Variants in PIN4 observed in about 807,000 individuals in gnomAD.
PIN4 encodes the protein peptidyl-prolyl cis-trans isomerase NIMA-interacting 4.
PIN4 carries 3 observed loss-of-function variants against 8.3 expected under a neutral mutation model. That is an observed-to-expected ratio of 0.36 (90% CI 0.16 to 0.93). The LOEUF (loss-of-function observed/expected upper bound fraction) is 0.93. PIN4 is among the 40% of genes least tolerant of loss of function. The pLI, the probability that PIN4 is intolerant of heterozygous loss-of-function variation, is 0.44. For synonymous variants in PIN4, 18 were observed against 32.5 expected (o/e 0.55, Z 1.52); for missense variants, 75 against 100.6 (o/e 0.75, Z 1.09).
intron 3 of PIN4, among the ~76,000 whole-genome samples, chrX:72,258,723 A>G (rs2043124228): frequency 9.0e-6 from 1 of 110,756 alleles, no homozygotes; most frequent in African/African-American, 3.3e-5. Flanking sequence ...TCTGAGCCTC[A>G]TTTTCCACCT....
intron 2 of PIN4, among the ~76,000 whole-genome samples, chrX:72,188,707 A>G: frequency 9.0e-6 from 1 of 111,113 alleles, no homozygotes; most frequent in Admixed American, 9.6e-5. Context: ...TTATCTTTGT[A>G]GAGATGGAGT....
At chrX:72,262,087 G>C (rs1327750334) in intron 3 of PIN4, among the ~76,000 whole-genome samples, 3 of 111,093 alleles carry the variant, frequency 2.7e-5, no homozygotes, top group African/African-American at 9.8e-5. Flanking sequence ...TCTTCTATGG[G>C]CCTCCAAGAG....
At chrX:72,213,913 T>G (rs2042872455) in intron 3 of PIN4, among the ~76,000 whole-genome samples, 1 of 112,080 alleles carries the variant, frequency 8.9e-6, no homozygotes, top group Non-Finnish European at 1.9e-5. Flanking sequence ...AACAAAGACC[T>G]GTCCGTTAAC....
At chrX:72,254,305 T>A (rs1016212648) in intron 3 of PIN4, among the ~76,000 whole-genome samples, 1 of 111,896 alleles carries the variant, frequency 8.9e-6, no homozygotes, top group Non-Finnish European at 1.9e-5. Flanking sequence ...GCTGGCTCCT[T>A]CTTATCATTC....
intron 3 of PIN4, among the ~76,000 whole-genome samples, chrX:72,210,167 A>G (rs928493262): frequency 7.0e-5 from 7 of 100,141 alleles, no homozygotes; most frequent in Non-Finnish European, 9.8e-5. Context: ...GGAGTTTAAG[A>G]CTAGCCTGAA....
At chrX:72,238,883 G>T (rs1417449046) in intron 3 of PIN4, 1 of 1,196,067 alleles carries the variant, frequency 8.4e-7, no homozygotes, top group African/African-American at 1.7e-5. Flanking sequence ...CAAGGCCTCG[G>T]CTTCCGGAAA....
intron 3 of PIN4, among the ~76,000 whole-genome samples, chrX:72,224,700 A>C (rs1476467711): frequency 9.0e-6 from 1 of 111,480 alleles, no homozygotes; most frequent in Non-Finnish European, 1.9e-5. Context: ...AGCCAAGATC[A>C]CGCCATTGTA....
At chrX:72,239,187 C>T (rs1334827771) in intron 3 of PIN4, 2 of 356,527 alleles carry the variant, frequency 5.6e-6, no homozygotes, top group Non-Finnish European at 1.0e-5. Context: ...GCCTTCGAGA[C>T]ACGGAGTGTG....
intron 2 of PIN4, among the ~76,000 whole-genome samples, chrX:72,188,363 A>G (rs766592433): frequency 1.9e-5 from 2 of 107,359 alleles, no homozygotes; most frequent in African/African-American, 6.7e-5. Context: ...ACTTTTTTTT[A>G]TTTTTTTTTT....
chrX:72,206,154 T>A (rs1308679803), intron 3 of PIN4: 1 of 1,212,028 alleles, frequency 8.3e-7, no homozygotes, highest in African/African-American at 1.7e-5. Flanking sequence ...CTTTGGTTGA[T>A]TTGCTAAGTA....
chrX:72,197,738 C>T lies in PIN4; in HGVS notation c.*212C>T. ...ATGTCAACTGTAGTAGGTATTCAGT[C>T]AGTCTTTCTCAAAGAGAAGTCAAGC... On this transcript the variant is annotated 3_prime_UTR_variant, in exon 4 of 4. Transcript: ENST00000373669. The T allele has an allele frequency of 2.1e-6, 2 of 945,603 alleles. No homozygotes were observed. Among genetic ancestry groups the T allele is most frequent in the Non-Finnish European group, 2.6e-6 (2 of 757,279 alleles). 77.9% of individuals were successfully genotyped at this position (945,603 alleles called of 1,213,427 possible).
At chrX:72,186,606 G>A in intron 2 of PIN4, 72 bp downstream of exon 2, 2 of 685,995 alleles carry the variant, frequency 2.9e-6, no homozygotes, top group East Asian at 3.5e-5. Flanking sequence ...ATAAAAGACA[G>A]AATGCTTAAC....
chrX:72,250,742 T>TTTG (rs1490015391), intron 3 of PIN4, among the ~76,000 whole-genome samples: 4 of 96,150 alleles, frequency 4.2e-5, no homozygotes, highest in African/African-American at 1.2e-4. Context: ...TATGGTTTTT[T>TTTG]TTTTTTTTTT....
chrX:72,194,758 C>G lies in PIN4; in HGVS notation c.118-2027C>G, dbSNP rs181032420. Among the ~76,000 whole-genome samples, 374 of 107,459 alleles carry G rather than the reference C, an allele frequency of 3.5e-3. 6 individuals carry two copies. Among genetic ancestry groups the G allele is most frequent in the African/African-American group, 0.012 (343 of 29,531 alleles). The allele number at this position is 107,459 out of a possible 115,157, so 93.3% of individuals were successfully genotyped here. On this transcript the variant is annotated intron_variant, in intron 2 of 3. Transcript: ENST00000373669. ...AGTAGTGTACAGTAATGTCCTAGGCCTTCATATTCACTCACCACTCACTGA... is the reference window on the plus strand; with the variant it reads ...AGTAGTGTACAGTAATGTCCTAGGCGTTCATATTCACTCACCACTCACTGA...
At chrX:72,255,470 G>C (rs985610854) in intron 3 of PIN4, among the ~76,000 whole-genome samples, 1 of 108,748 alleles carries the variant, frequency 9.2e-6, no homozygotes, top group African/African-American at 3.4e-5. Context: ...AGAAGGCTGC[G>C]GCCTCCCTGC....
intron 3 of PIN4, among the ~76,000 whole-genome samples, chrX:72,229,096 T>C (rs2042968814): frequency 9.0e-6 from 1 of 111,423 alleles, no homozygotes. Context: ...CTGCAACGCC[T>C]CAAGCCTCAA....
intron 3 of PIN4, chrX:72,206,399 A>G: frequency 8.3e-7 from 1 of 1,209,617 alleles, no homozygotes; most frequent in Middle Eastern, 2.3e-4. Context: ...TTTATACTGG[A>G]GAGATCTTGT....
chrX:72,253,487 G>A (rs1284383270), intron 3 of PIN4, among the ~76,000 whole-genome samples: 1 of 110,850 alleles, frequency 9.0e-6, no homozygotes, highest in African/African-American at 3.3e-5. Context: ...TTAGCCAGGC[G>A]TGGTGGTGTG....
chrX:72,226,130 C>G (rs991546436), intron 3 of PIN4, among the ~76,000 whole-genome samples: 1 of 111,854 alleles, frequency 8.9e-6, no homozygotes, highest in Non-Finnish European at 1.9e-5. Context: ...GATGCTCCCC[C>G]CTTAATCCTG....
Sources: allele counts gnomAD v4.1 joint callset (sites outside exome capture counted in the v4.1 genomes callset), GRCh38; gene constraint gnomAD v4.1.1; transcripts MANE v1.5; gene names NCBI Gene and HGNC (gene_info 2026-07-23, HGNC 2026-07-21).